CCSER1: variants seen among roughly 807,000 people sequenced by gnomAD.
CCSER1 encodes the protein serine-rich coiled-coil domain-containing protein 1.
CCSER1 carries 41 observed loss-of-function variants against 82.0 expected under a neutral mutation model. The observed-to-expected ratio is 0.50, with a 90% CI of 0.39 to 0.65. The LOEUF (loss-of-function observed/expected upper bound fraction) is 0.65. Among genes scored for constraint, CCSER1 ranks in the 30% least tolerant of loss-of-function variants. CCSER1 has a pLI of 0.00. For missense variants in CCSER1, 1,119 were observed against 1,064.2 expected (o/e 1.05, Z -0.72); for synonymous variants, 414 against 383.9 (o/e 1.08, Z -0.92).
intron 1 of CCSER1, among the ~76,000 whole-genome samples, chr4:90,250,036 A>G (rs571684433): frequency 2.0e-5 from 3 of 152,040 alleles, no homozygotes; most frequent in African/African-American, 7.2e-5. Flanking sequence ...TCATTTATAT[A>G]TCTTCTTTGC....
At chr4:91,485,181 G>A (rs1758150906) in intron 10 of CCSER1, among the ~76,000 whole-genome samples, 1 of 151,962 alleles carries the variant, frequency 6.6e-6, no homozygotes, top group Non-Finnish European at 1.5e-5. Context: ...AATAGGAAAT[G>A]ACAATAACCC....
At chr4:90,683,065 T>G (rs376062247) in intron 6 of CCSER1, 1 of 152,372 alleles carries the variant, frequency 6.6e-6, no homozygotes, top group South Asian at 2.1e-4. Context: ...CATACTGATA[T>G]TTCTGAAGAG....
chr4:91,568,680 AT>A (rs755545141), intron 10 of CCSER1, among the ~76,000 whole-genome samples: 1 of 152,116 alleles, frequency 6.6e-6, no homozygotes, highest in Non-Finnish European at 1.5e-5. Context: ...GTATGGTGTT[AT>A]TCAGCTCTGT....
intron 1 of CCSER1, among the ~76,000 whole-genome samples, chr4:90,129,594 C>T (rs1024425515): frequency 1.3e-5 from 2 of 152,260 alleles, no homozygotes; most frequent in Admixed American, 6.5e-5. Flanking sequence ...ACCACACTTT[C>T]AATAGTTTCA....
At chr4:91,518,127 G>C (rs1205673362) in intron 10 of CCSER1, among the ~76,000 whole-genome samples, 1 of 152,180 alleles carries the variant, frequency 6.6e-6, no homozygotes, top group Non-Finnish European at 1.5e-5. Flanking sequence ...CGGGCTGCAT[G>C]CAGCAGCTCT....
At chr4:90,613,046 G>T (rs1720547257) in intron 5 of CCSER1, among the ~76,000 whole-genome samples, 1 of 152,084 alleles carries the variant, frequency 6.6e-6, no homozygotes, top group East Asian at 1.9e-4. Flanking sequence ...GGGCATGACA[G>T]GAATACACCC....
At chr4:91,298,406 G>T (rs982333791) in intron 10 of CCSER1, among the ~76,000 whole-genome samples, 7 of 151,990 alleles carry the variant, frequency 4.6e-5, no homozygotes, top group Admixed American at 4.6e-4. Context: ...GGGAGCCTAT[G>T]TGTCAGCCAC....
intron 8 of CCSER1, chr4:90,918,171 A>G (rs1727790850): frequency 2.5e-6 from 1 of 392,552 alleles, no homozygotes; most frequent in East Asian, 8.9e-5. Flanking sequence ...TGTATTAACT[A>G]ACATACTAGT....
chr4:90,767,055 A>T (rs201700813), intron 7 of CCSER1, among the ~76,000 whole-genome samples: 1 of 152,208 alleles, frequency 6.6e-6, no homozygotes, highest in East Asian at 1.9e-4. Context: ...GCTATCTCAC[A>T]TACACCCTGT....
intron 1 of CCSER1, among the ~76,000 whole-genome samples, chr4:90,198,513 A>G (rs1737028591): frequency 6.6e-6 from 1 of 152,180 alleles, no homozygotes; most frequent in Admixed American, 6.6e-5. Flanking sequence ...TTTCTGTATC[A>G]TGGTGAAATA....
At chr4:90,893,009 A>C (rs1482270393) in intron 8 of CCSER1, among the ~76,000 whole-genome samples, 2 of 152,100 alleles carry the variant, frequency 1.3e-5, no homozygotes, top group Non-Finnish European at 2.9e-5. Flanking sequence ...CTTTTGGACT[A>C]AACTTCTGAG....
chr4:90,479,317 T>C (rs959258684), intron 5 of CCSER1, among the ~76,000 whole-genome samples: 6 of 152,140 alleles, frequency 3.9e-5, no homozygotes, highest in African/African-American at 1.4e-4. Context: ...GGAGGAAAAC[T>C]TTTTTTCATG....
At chr4:90,708,861 G>A (rs1480360249) in intron 6 of CCSER1, among the ~76,000 whole-genome samples, 5 of 152,088 alleles carry the variant, frequency 3.3e-5, no homozygotes, top group Non-Finnish European at 4.4e-5. Flanking sequence ...TTTGCCAGTT[G>A]AAGATATGAT....
intron 9 of CCSER1, among the ~76,000 whole-genome samples, chr4:90,957,834 A>G (rs1279816722): frequency 6.6e-6 from 1 of 151,186 alleles, no homozygotes; most frequent in Non-Finnish European, 1.5e-5. Context: ...TACTCAGCCT[A>G]ACAGATTATC....
rs141984454 is a variant in CCSER1 at position 91,167,944 on chromosome 4, G to A, written c.2217+81950G>A. ...TGGGAAGTCGGGAGCACCTCTGCCC[G>A]GCCACCACCCCGTCTGGGAAGTGGG... On this transcript the variant is annotated intron_variant, in intron 10 of 10. Coordinates refer to ENST00000509176, the MANE Select transcript of CCSER1 (RefSeq NM_001145065.2). Among the ~76,000 whole-genome samples, 660 of 147,512 alleles carry A rather than the reference G, an allele frequency of 4.5e-3. 1 individual carries two copies. Among genetic ancestry groups the A allele is most frequent in the African/African-American group, 0.014 (566 of 39,768 alleles).
intron 10 of CCSER1, among the ~76,000 whole-genome samples, chr4:91,411,539 G>C (rs1753053061): frequency 1.5e-5 from 1 of 67,336 alleles, no homozygotes; most frequent in Non-Finnish European, 2.8e-5. Flanking sequence ...ATCTTGACTA[G>C]TTAATATATT....
At chr4:90,974,186 A>G (rs1284727006) in intron 9 of CCSER1, among the ~76,000 whole-genome samples, 2 of 151,574 alleles carry the variant, frequency 1.3e-5, no homozygotes, top group Admixed American at 1.3e-4. Context: ...TATACTTGAT[A>G]TTTGCTAACA....
chr4:91,104,695 G>A (rs113853589), intron 10 of CCSER1, among the ~76,000 whole-genome samples: 1 of 152,130 alleles, frequency 6.6e-6, no homozygotes. Context: ...AGTTCTGGAG[G>A]CTAGAAATCT....
chr4:90,207,020 CT>C (rs1366359172), intron 1 of CCSER1, among the ~76,000 whole-genome samples: 2 of 150,196 alleles, frequency 1.3e-5, no homozygotes, highest in Non-Finnish European at 3.0e-5. Flanking sequence ...TTTTCTTTTT[CT>C]TTTTTCCATT....
Sources: allele counts gnomAD v4.1 joint callset (sites outside exome capture counted in the v4.1 genomes callset), GRCh38; gene constraint gnomAD v4.1.1; transcripts MANE v1.5; gene names NCBI Gene and HGNC (gene_info 2026-07-23, HGNC 2026-07-21).